TMEM108: variants seen among roughly 807,000 people sequenced by gnomAD.
The protein encoded by TMEM108 is transmembrane protein 108.
In TMEM108, 12 loss-of-function variants were observed where a neutral mutation model predicts 35.1. That is an observed-to-expected ratio of 0.34 (90% CI 0.22 to 0.55). The LOEUF is 0.55. Ranked by LOEUF, TMEM108 falls within the 20% of genes least tolerant of loss-of-function variation. The pLI, the probability that TMEM108 is intolerant of heterozygous loss-of-function variation, is 0.89. For synonymous variants in TMEM108, 287 were observed against 308.6 expected (o/e 0.93, Z 0.73); for missense variants, 680 against 753.3 (o/e 0.90, Z 1.14).
chr3:133,080,827 A>T (rs1943800228), intron 2 of TMEM108, among the ~76,000 whole-genome samples: 1 of 152,202 alleles, frequency 6.6e-6, no homozygotes, highest in East Asian at 1.9e-4. Context: ...CATTTTTTTT[A>T]AATACTAGGA....
intron 3 of TMEM108, among the ~76,000 whole-genome samples, chr3:133,294,913 A>T (rs10428109): frequency 0.35 from 53,579 of 152,070 alleles, 9,762 homozygotes; most frequent in East Asian, 0.48. Context: ...CTAACTGAAT[A>T]ATGTACATTC....
At chr3:133,335,389 G>T (rs1376033990) in intron 3 of TMEM108, among the ~76,000 whole-genome samples, 4 of 152,060 alleles carry the variant, frequency 2.6e-5, no homozygotes, top group African/African-American at 9.7e-5. Flanking sequence ...TATTAATATT[G>T]GTTAAAATAA....
intron 5 of TMEM108, among the ~76,000 whole-genome samples, chr3:133,394,135 C>T (rs754261411): frequency 2.6e-5 from 4 of 152,236 alleles, no homozygotes; most frequent in Non-Finnish European, 5.9e-5. Context: ...AGGATGAAGC[C>T]AGCCAAGCAC....
At position 133,177,308 on chromosome 3, in the gene TMEM108, C is replaced by G. The variant is rs536898259; in HGVS notation, c.-46-51958C>G. 2.6e-4 allele frequency among the ~76,000 whole-genome samples: 39 copies of G among 152,308 alleles called. 1 individual carries two copies. Among genetic ancestry groups the G allele is most frequent in the African/African-American group, 9.1e-4 (38 of 41,578 alleles). ...GAAAAAGAGGGAATCCTCCCTAACT[C>G]ATTTTATGAGGCCAGCATCATCCTG... On this transcript the variant is annotated intron_variant, in intron 2 of 5. Transcript: ENST00000321871.
chr3:133,249,930 G>A (rs1199149270), intron 3 of TMEM108, among the ~76,000 whole-genome samples: 1 of 152,098 alleles, frequency 6.6e-6, no homozygotes, highest in African/African-American at 2.4e-5. Flanking sequence ...TTCAGTTTAT[G>A]AAAATCATTA....
At chr3:133,311,255 T>C (rs1448741260) in intron 3 of TMEM108, among the ~76,000 whole-genome samples, 1 of 152,224 alleles carries the variant, frequency 6.6e-6, no homozygotes, top group Non-Finnish European at 1.5e-5. Flanking sequence ...AATTTGAAAG[T>C]TGGCCTTGCT....
At chr3:133,123,901 C>G (rs1944384277) in intron 2 of TMEM108, among the ~76,000 whole-genome samples, 1 of 152,106 alleles carries the variant, frequency 6.6e-6, no homozygotes, top group African/African-American at 2.4e-5. Context: ...AGTAGAAATG[C>G]CTATCTAGTA....
At chr3:133,318,076 T>A (rs557680448) in intron 3 of TMEM108, among the ~76,000 whole-genome samples, 1 of 152,356 alleles carries the variant, frequency 6.6e-6, no homozygotes, top group Admixed American at 6.5e-5. Flanking sequence ...GACTGTGGGA[T>A]CTTTGTCACA....
chr3:133,245,738 C>CTA (rs1401344996), intron 3 of TMEM108, among the ~76,000 whole-genome samples: 3 of 152,110 alleles, frequency 2.0e-5, no homozygotes, highest in Non-Finnish European at 2.9e-5. Context: ...GATGAGACTT[C>CTA]ATTAGAGAGA....
At chr3:133,176,398 C>A (rs1301288530) in intron 2 of TMEM108, among the ~76,000 whole-genome samples, 2 of 152,114 alleles carry the variant, frequency 1.3e-5, no homozygotes, top group Non-Finnish European at 2.9e-5. Context: ...CGCTCTTATT[C>A]CAAAATTGAC....
rs1430048891 is a variant in TMEM108, at chr3:133,077,100, A to C, written c.-47+31080A>C. Among the ~76,000 whole-genome samples the C allele has an allele frequency of 2.0e-5, 3 of 152,214 alleles. No homozygotes were observed. The East Asian group carries it at 5.8e-4, about 29-fold the overall frequency. On this transcript the variant is annotated intron_variant, in intron 2 of 5. Coordinates refer to ENST00000321871, the MANE Select transcript of TMEM108 (RefSeq NM_023943.4). ...GAGGGCAAGGCTCCAGTTGTTTCTC[A>C]TTCTTTGTCTGGCTGAGCCAGTCAA...
At chr3:133,232,161 C>G (rs1352780483) in intron 3 of TMEM108, among the ~76,000 whole-genome samples, 2 of 152,052 alleles carry the variant, frequency 1.3e-5, no homozygotes, top group Non-Finnish European at 2.9e-5. Flanking sequence ...ATATCTGATC[C>G]CTCCAAGTCT....
intron 2 of TMEM108, among the ~76,000 whole-genome samples, chr3:133,160,553 T>C (rs944842619): frequency 6.6e-6 from 1 of 152,228 alleles, no homozygotes; most frequent in African/African-American, 2.4e-5. Flanking sequence ...TTTATTGCAA[T>C]AGGGCATAGC....
At chr3:133,086,173 G>T (rs1312394780) in intron 2 of TMEM108, among the ~76,000 whole-genome samples, 1 of 152,116 alleles carries the variant, frequency 6.6e-6, no homozygotes, top group Non-Finnish European at 1.5e-5. Context: ...TCTGCTTCTG[G>T]AGTCCAGAGG....
At chr3:133,049,728 C>G (rs1200179774) in intron 2 of TMEM108, among the ~76,000 whole-genome samples, 1 of 152,124 alleles carries the variant, frequency 6.6e-6, no homozygotes, top group Non-Finnish European at 1.5e-5. Flanking sequence ...TTTGGTCTCT[C>G]TATGCCCTGA....
intron 2 of TMEM108, among the ~76,000 whole-genome samples, chr3:133,209,931 A>G (rs757031536): frequency 1.3e-5 from 2 of 152,056 alleles, no homozygotes; most frequent in Non-Finnish European, 2.9e-5. Context: ...AGACATCCCT[A>G]TGAATCAAGC....
intron 2 of TMEM108, among the ~76,000 whole-genome samples, chr3:133,194,365 C>T (rs1176082794): frequency 1.3e-5 from 2 of 152,092 alleles, no homozygotes; most frequent in African/African-American, 4.8e-5. Context: ...GTGTTTATGC[C>T]AGTTTTTCTG....
chr3:133,098,627 A>G lies in TMEM108; in HGVS notation c.-47+52607A>G, dbSNP rs574383250. On this transcript the variant is annotated intron_variant, in intron 2 of 5. Coordinates refer to ENST00000321871, the MANE Select transcript of TMEM108 (RefSeq NM_023943.4). ...GCAGGCTAGTTACTTCCTAGATACAATGGGGGTACAGGTATTGGGTAAATA... is the reference window on the plus strand; with the variant it reads ...GCAGGCTAGTTACTTCCTAGATACAGTGGGGGTACAGGTATTGGGTAAATA... Among the ~76,000 whole-genome samples the G allele has an allele frequency of 7.9e-5, 12 of 152,306 alleles. No homozygotes were observed. The East Asian group carries it at 1.5e-3, about 20-fold the overall frequency.
intron 3 of TMEM108, among the ~76,000 whole-genome samples, chr3:133,292,883 A>G (rs1244516239): frequency 6.6e-6 from 1 of 152,208 alleles, no homozygotes; most frequent in Non-Finnish European, 1.5e-5. Context: ...ACTTAAGCCA[A>G]ATAACTGGCC....
Sources: allele counts gnomAD v4.1 joint callset (sites outside exome capture counted in the v4.1 genomes callset), GRCh38; gene constraint gnomAD v4.1.1; transcripts MANE v1.5; gene names NCBI Gene and HGNC (gene_info 2026-07-23, HGNC 2026-07-21).